Variants in RBFOX1 observed in about 807,000 individuals in gnomAD.
RBFOX1 encodes the protein RNA binding fox-1 homolog 1, also known as RNA binding protein fox-1 homolog 1.
Under a neutral mutation model 57.7 loss-of-function variants are expected in RBFOX1, and 8 were observed. The ratio of observed to expected loss-of-function variants is 0.14; its 90% CI spans 0.08 to 0.25. The LOEUF (loss-of-function observed/expected upper bound fraction) is 0.25, where lower values mean the gene tolerates loss of function less well. RBFOX1 is among the 10% of genes least tolerant of loss of function. The pLI, the probability that RBFOX1 is intolerant of heterozygous loss-of-function variation, is 1.00. For missense variants in RBFOX1, 611 were observed against 548.5 expected, an observed-to-expected ratio of 1.11 and a Z score of -1.14; for synonymous variants, 326 against 222.4, an observed-to-expected ratio of 1.47 and a Z score of -4.15.
chr16:6,056,126 T>G (rs767447630), intron 1 of RBFOX1, among the ~76,000 whole-genome samples: 1 of 152,160 alleles, frequency 6.6e-6, no homozygotes, highest in African/African-American at 2.4e-5. Flanking sequence ...CGGGAAAATA[T>G]CTGTCCATAG....
intron 4 of RBFOX1, among the ~76,000 whole-genome samples, chr16:7,423,844 G>A (rs1363759171): frequency 6.6e-6 from 1 of 152,142 alleles, no homozygotes; most frequent in East Asian, 1.9e-4. Flanking sequence ...AATAGCAGAA[G>A]GGTGGAGGTG....
intron 1 of RBFOX1, among the ~76,000 whole-genome samples, chr16:6,234,312 C>G (rs767464817): frequency 1.3e-5 from 2 of 152,160 alleles, no homozygotes; most frequent in African/African-American, 2.4e-5. Flanking sequence ...GCAAGTATCT[C>G]TCCTTTTTGG....
intron 10 of RBFOX1, among the ~76,000 whole-genome samples, chr16:7,629,561 G>A (rs1422274481): frequency 6.6e-6 from 1 of 152,120 alleles, no homozygotes; most frequent in Non-Finnish European, 1.5e-5. Context: ...CACCAGTAAT[G>A]GCCTTAAAAC....
At chr16:6,672,693 G>A (rs1157871345) in intron 3 of RBFOX1, among the ~76,000 whole-genome samples, 2 of 152,144 alleles carry the variant, frequency 1.3e-5, no homozygotes, top group African/African-American at 4.8e-5. Flanking sequence ...TTCCGCTTCT[G>A]CTTTTCTGCT....
intron 4 of RBFOX1, among the ~76,000 whole-genome samples, chr16:7,416,263 T>C (rs2098476790): frequency 2.6e-5 from 4 of 152,232 alleles, no homozygotes; most frequent in Admixed American, 2.6e-4. Flanking sequence ...TCTCCCTTTC[T>C]GTGTCTCTCA....
intron 3 of RBFOX1, among the ~76,000 whole-genome samples, chr16:6,794,237 CTCT>C (rs961010620): frequency 1.0e-4 from 15 of 149,644 alleles, no homozygotes; most frequent in Admixed American, 6.7e-5. Context: ...CCTCTCAGAG[CTCT>C]TCACTTTGCT....
chr16:5,598,038 G>A (rs921234244), intron 2 of RBFOX1, among the ~76,000 whole-genome samples: 24 of 151,972 alleles, frequency 1.6e-4, no homozygotes, highest in Admixed American at 1.5e-3. Flanking sequence ...GGCTCAGGCC[G>A]GTAATGTTAG....
chr16:6,827,725 C>G (rs1417291585), intron 3 of RBFOX1, among the ~76,000 whole-genome samples: 3 of 152,120 alleles, frequency 2.0e-5, no homozygotes, highest in South Asian at 4.1e-4. Context: ...TTTGCCCATG[C>G]TGATCCCCTA....
chr16:5,763,096 G>T (rs1376703055), intron 3 of RBFOX1, among the ~76,000 whole-genome samples: 1 of 152,148 alleles, frequency 6.6e-6, no homozygotes, highest in Non-Finnish European at 1.5e-5. Context: ...TGGGTGGTTG[G>T]AAATCAAGAC....
At chr16:7,162,084 A>C (rs2078444632) in intron 4 of RBFOX1, among the ~76,000 whole-genome samples, 2 of 152,202 alleles carry the variant, frequency 1.3e-5, no homozygotes, top group South Asian at 4.1e-4. Flanking sequence ...GCTCCTCACA[A>C]GGGAGTTGGT....
chr16:6,778,311 C>T lies in RBFOX1; in HGVS notation c.-16+123661C>T, dbSNP rs188100410. On this transcript the variant is annotated intron_variant, in intron 3 of 15. Coordinates refer to ENST00000550418, the MANE Select transcript of RBFOX1 (RefSeq NM_018723.4). The stretch of plus-strand genomic sequence containing the variant: ...CACATGCAAAAGTAGAGAATAGTAA[C>T]ATGATTCCTCATGTACCCATCCCCA... Among the ~76,000 whole-genome samples the T allele has an allele frequency of 6.6e-5, 10 of 152,212 alleles. No homozygotes were observed. In the East Asian group the frequency reaches 9.6e-4, roughly 15 times the overall value.
chr16:6,092,072 A>C (rs536241171), intron 1 of RBFOX1, among the ~76,000 whole-genome samples: 10 of 152,168 alleles, frequency 6.6e-5, no homozygotes, highest in African/African-American at 9.7e-5. Context: ...AAGAGTACCT[A>C]GCAATCCTTC....
intron 1 of RBFOX1, among the ~76,000 whole-genome samples, chr16:6,146,462 GT>G (rs1567558361): frequency 2.0e-5 from 3 of 152,000 alleles, no homozygotes; most frequent in African/African-American, 7.3e-5. Context: ...TTGTAGGATG[GT>G]TGGCAGCCGT....
intron 3 of RBFOX1, among the ~76,000 whole-genome samples, chr16:5,825,043 G>A (rs1304429005): frequency 6.6e-6 from 1 of 152,142 alleles, no homozygotes; most frequent in Admixed American, 6.5e-5. Flanking sequence ...CCAATCCATG[G>A]CCTGGAGAGT....
At chr16:6,323,964 G>C (rs149523617) in intron 2 of RBFOX1, among the ~76,000 whole-genome samples, 2 of 152,162 alleles carry the variant, frequency 1.3e-5, no homozygotes, top group East Asian at 3.9e-4. Flanking sequence ...GTAGAGAAAG[G>C]GTTTTGCCAT....
chr16:6,515,983 A>G (rs187107370), intron 2 of RBFOX1, among the ~76,000 whole-genome samples: 26 of 152,250 alleles, frequency 1.7e-4, no homozygotes, highest in African/African-American at 6.0e-4. Context: ...CCCTGTATTT[A>G]GACTTCCTGG....
At chr16:6,254,609 A>C (rs2097648837) in intron 1 of RBFOX1, among the ~76,000 whole-genome samples, 1 of 152,274 alleles carries the variant, frequency 6.6e-6, no homozygotes, top group Middle Eastern at 3.4e-3. Context: ...CATCTGTGCA[A>C]CCTTCATAAA....
intron 4 of RBFOX1, among the ~76,000 whole-genome samples, chr16:7,214,156 T>C (rs1012326458): frequency 6.6e-6 from 1 of 152,138 alleles, no homozygotes; most frequent in Non-Finnish European, 1.5e-5. Context: ...AACAAGGAAT[T>C]ATTATCTTTC....
chr16:5,490,811 TTTC>T (rs1427190297), intron 2 of RBFOX1, among the ~76,000 whole-genome samples: 22 of 152,244 alleles, frequency 1.4e-4, no homozygotes, highest in South Asian at 4.2e-4. Flanking sequence ...ACTGGGAGTT[TTTC>T]TTCTTAATAA....
Sources: allele counts gnomAD v4.1 joint callset (sites outside exome capture counted in the v4.1 genomes callset), GRCh38; gene constraint gnomAD v4.1.1; transcripts MANE v1.5; gene names NCBI Gene and HGNC (gene_info 2026-07-23, HGNC 2026-07-21).